Variants in SPIDR observed in about 807,000 individuals in gnomAD.
SPIDR encodes DNA repair-scaffolding protein.
A neutral mutation model predicts 104.6 loss-of-function variants in SPIDR; 93 were observed. The observed-to-expected ratio is 0.89, with a 90% confidence interval of 0.75 to 1.06. The LOEUF is 1.06. SPIDR is among the 50% of genes least tolerant of loss of function. The pLI is 0.00. For synonymous variants in SPIDR, 431 were observed against 416.9 expected (o/e 1.03, Z -0.41); for missense variants, 1,154 against 1,111.2 (o/e 1.04, Z -0.55).
intron 4 of SPIDR, 76 bp downstream of exon 4, chr8:47,291,213 G>C: frequency 5.3e-6 from 5 of 947,634 alleles, no homozygotes; most frequent in Non-Finnish European, 7.7e-6. Context: ...AGTAATGAAG[G>C]TAAATTGATA....
At chr8:47,713,461 C>T in intron 15 of SPIDR, 28 bp from the exon 16 acceptor site, 2 of 1,613,148 alleles carry the variant, frequency 1.2e-6, no homozygotes, top group African/African-American at 2.7e-5. Context: ...TTCAAGGCTT[C>T]AATAACCTGA....
chr8:47,525,276 G>A (rs2084798187), intron 8 of SPIDR, among the ~76,000 whole-genome samples: 1 of 152,240 alleles, frequency 6.6e-6, no homozygotes, highest in South Asian at 2.1e-4. Context: ...AAGGGCAGCT[G>A]CTTGCTGCCT....
intron 9 of SPIDR, among the ~76,000 whole-genome samples, chr8:47,598,157 C>T (rs931575332): frequency 1.3e-5 from 2 of 152,144 alleles, no homozygotes; most frequent in African/African-American, 4.8e-5. Context: ...TAATATTAAT[C>T]CCATGAGATT....
intron 1 of SPIDR, among the ~76,000 whole-genome samples, chr8:47,276,388 T>G (rs2036430668): frequency 6.6e-6 from 1 of 152,212 alleles, no homozygotes; most frequent in South Asian, 2.1e-4. Context: ...TGTATGTACT[T>G]TTACCAAGAT....
In SPIDR at chr8:47,582,798, C is replaced by G. The variant is rs112394716; in HGVS notation, c.1098-13013C>G. The stretch of plus-strand genomic sequence containing the variant: ...GTCACTTGTTGTCTGGGCAACATAG[C>G]AAGACTCCATTAAACAACAACAACA... On this transcript the variant is annotated intron_variant, in intron 8 of 19. Coordinates refer to ENST00000297423, the MANE Select transcript of SPIDR (RefSeq NM_001080394.4). 5.6e-3 allele frequency among the ~76,000 whole-genome samples: 818 copies of G among 146,342 alleles called. 3 individuals carry two copies. The highest frequency in any genetic ancestry group is 9.6e-3 in the Non-Finnish European group (642 of 66,588).
chr8:47,454,889 AT>A lies in SPIDR; in HGVS notation c.1097+14348del, dbSNP rs1216621913. On this transcript the variant is annotated intron_variant, in intron 8 of 19. Transcript: ENST00000297423. ...CATCAAACTGCTGTCTCAAAAAAAA[AT>A]AATAATAATAAATAAGAATAAAGGA... Among the ~76,000 whole-genome samples the A allele has an allele frequency of 1.6e-4, 25 of 151,980 alleles. 1 individual carries two copies. Among genetic ancestry groups the A allele is most frequent in the Admixed American group, 1.0e-3 (16 of 15,254 alleles).
chr8:47,408,922 T>C (rs557528152), intron 7 of SPIDR, among the ~76,000 whole-genome samples: 1 of 152,248 alleles, frequency 6.6e-6, no homozygotes. Context: ...GCATGATGGC[T>C]CACGCCTGTA....
intron 10 of SPIDR, among the ~76,000 whole-genome samples, chr8:47,662,492 A>G (rs1214003236): frequency 1.3e-5 from 2 of 152,262 alleles, no homozygotes; most frequent in South Asian, 4.2e-4. Context: ...CCTCTCAGGC[A>G]TTTGTCATTG....
chr8:47,672,986 C>T (rs957735149), intron 10 of SPIDR, among the ~76,000 whole-genome samples: 2 of 152,234 alleles, frequency 1.3e-5, no homozygotes. Flanking sequence ...TTCATCTGTT[C>T]TCCTCCAACA....
At chr8:47,684,216 A>G (rs1459121522) in intron 11 of SPIDR, among the ~76,000 whole-genome samples, 1 of 152,098 alleles carries the variant, frequency 6.6e-6, no homozygotes, top group East Asian at 1.9e-4. Flanking sequence ...GGCTATAAAA[A>G]CAAATTTTTT....
intron 5 of SPIDR, among the ~76,000 whole-genome samples, chr8:47,319,644 TC>T (rs1482457699): frequency 6.6e-6 from 1 of 152,142 alleles, no homozygotes; most frequent in Non-Finnish European, 1.5e-5. Context: ...GAATATACAT[TC>T]TTCTCAGCAC....
At chr8:47,564,575 G>A (rs2057529552) in intron 8 of SPIDR, among the ~76,000 whole-genome samples, 1 of 151,896 alleles carries the variant, frequency 6.6e-6, no homozygotes, top group Admixed American at 6.6e-5. Context: ...AGCTATTCAG[G>A]AGGCTGAGGC....
intron 5 of SPIDR, among the ~76,000 whole-genome samples, chr8:47,348,475 C>T (rs1461382058): frequency 2.0e-5 from 3 of 152,138 alleles, no homozygotes; most frequent in Non-Finnish European, 4.4e-5. Context: ...TCTGTATTTT[C>T]TGATTTTGAA....
chr8:47,428,749 C>G (rs189309525), intron 7 of SPIDR, among the ~76,000 whole-genome samples: 270 of 152,264 alleles, frequency 1.8e-3, no homozygotes, highest in Non-Finnish European at 2.8e-3. Flanking sequence ...TGTCTTCTCC[C>G]TCCCTGTGTT....
intron 8 of SPIDR, among the ~76,000 whole-genome samples, chr8:47,484,680 A>G (rs978655984): frequency 5.9e-5 from 9 of 152,228 alleles, no homozygotes; most frequent in African/African-American, 9.6e-5. Flanking sequence ...ACCAGACACA[A>G]TTGTGATCCT....
At chr8:47,597,832 G>A (rs915543960) in intron 9 of SPIDR, among the ~76,000 whole-genome samples, 2 of 152,068 alleles carry the variant, frequency 1.3e-5, no homozygotes, top group Non-Finnish European at 2.9e-5. Flanking sequence ...ATGGCCCCTG[G>A]GACCACCCTA....
intron 11 of SPIDR, among the ~76,000 whole-genome samples, chr8:47,676,359 A>G (rs1332804676): frequency 1.3e-5 from 2 of 152,188 alleles, no homozygotes; most frequent in Non-Finnish European, 2.9e-5. Flanking sequence ...ATATTTTGCC[A>G]TGCAAAACAT....
chr8:47,413,055 A>T (rs184993791), intron 7 of SPIDR, among the ~76,000 whole-genome samples: 7 of 152,160 alleles, frequency 4.6e-5, no homozygotes, highest in Non-Finnish European at 5.9e-5. Flanking sequence ...TATTTGCATT[A>T]TTGGGTTTCA....
chr8:47,401,763 C>A (rs1272017089), intron 6 of SPIDR, among the ~76,000 whole-genome samples: 1 of 152,190 alleles, frequency 6.6e-6, no homozygotes, highest in Non-Finnish European at 1.5e-5. Flanking sequence ...GTAAAGGGAT[C>A]AATTCAACAA....
Sources: gnomAD v4.1 joint callset for allele counts (sites outside exome capture counted in the v4.1 genomes callset) on GRCh38, gnomAD v4.1.1 for gene constraint, MANE v1.5 for transcripts, NCBI Gene and HGNC (gene_info 2026-07-23, HGNC 2026-07-21) for gene names.